The following THSD7A variants were observed in gnomAD, a reference collection of about 807,000 sequenced individuals.
THSD7A encodes thrombospondin type 1 domain containing 7A.
THSD7A carries 96 observed loss-of-function variants against 231.3 expected under a neutral mutation model. The ratio of observed to expected loss-of-function variants is 0.41; its 90% CI spans 0.35 to 0.49. THSD7A has a LOEUF of 0.49. Ranked by LOEUF, THSD7A falls within the 20% of genes least tolerant of loss-of-function variation. The pLI, the probability that THSD7A is intolerant of heterozygous loss-of-function variation, is 0.05. For missense variants in THSD7A, 2,290 were observed against 2,070.2 expected, an observed-to-expected ratio of 1.11 and a Z score of -2.06; for synonymous variants, 940 against 743.3, an observed-to-expected ratio of 1.26 and a Z score of -4.30.
At chr7:11,542,915 G>C in intron 5 of THSD7A, 47 bp downstream of exon 5, 1 of 1,555,628 alleles carries the variant, frequency 6.4e-7, no homozygotes, top group Non-Finnish European at 8.7e-7. Context: ...TTCATGATTT[G>C]ATACAATTGG....
intron 1 of THSD7A, among the ~76,000 whole-genome samples, chr7:11,771,065 T>C (rs1390039549): frequency 2.6e-5 from 4 of 151,104 alleles, no homozygotes; most frequent in Non-Finnish European, 5.9e-5. Flanking sequence ...TTTTTTCTCA[T>C]AGATCAATTT....
chr7:11,611,496 T>C (rs1780919655), intron 2 of THSD7A, among the ~76,000 whole-genome samples: 1 of 151,918 alleles, frequency 6.6e-6, no homozygotes, highest in Non-Finnish European at 1.5e-5. Context: ...ATTAAATGTT[T>C]ACAAAGTAAT....
intron 2 of THSD7A, among the ~76,000 whole-genome samples, chr7:11,614,194 T>C (rs1781028682): frequency 6.6e-6 from 1 of 152,184 alleles, no homozygotes; most frequent in South Asian, 2.1e-4. Flanking sequence ...TTACACCTAA[T>C]AATCCACTGG....
intron 4 of THSD7A, among the ~76,000 whole-genome samples, chr7:11,579,248 C>T (rs1008482664): frequency 6.6e-6 from 1 of 152,150 alleles, no homozygotes; most frequent in African/African-American, 2.4e-5. Flanking sequence ...GTAGTTTGCA[C>T]TCCTCTGTTA....
intron 15 of THSD7A, among the ~76,000 whole-genome samples, chr7:11,425,946 T>TA (rs1562599980): frequency 1.3e-5 from 2 of 151,594 alleles, no homozygotes; most frequent in Admixed American, 6.6e-5. Context: ...CAAAGAGGAA[T>TA]AAAAAAATGC....
intron 23 of THSD7A, among the ~76,000 whole-genome samples, chr7:11,400,068 AC>A: frequency 6.6e-6 from 1 of 150,484 alleles, no homozygotes; most frequent in Non-Finnish European, 1.5e-5. Flanking sequence ...AGGACGAAAA[AC>A]CAAACACCGC....
chr7:11,724,296 G>A (rs770437751), intron 1 of THSD7A, among the ~76,000 whole-genome samples: 1 of 151,900 alleles, frequency 6.6e-6, no homozygotes, highest in Non-Finnish European at 1.5e-5. Context: ...AGGATTCAAT[G>A]TAGTGCAAAG....
Position 11,832,190 on chromosome 7 carries a change from T to C in THSD7A, c.-244A>G. ...GGGATGCTGCTGCCGCTGCCATTCC[T>C]CGCAGAATGGCAGGTCCCGGCGGCT... On this transcript the variant is annotated 5_prime_UTR_variant, in exon 1 of 28. Transcript: ENST00000423059. 3.4e-6 allele frequency: 1 copy of C among 291,626 alleles called. No individual in the cohort carries two copies. The highest frequency in any genetic ancestry group is 1.4e-4 in the South Asian group (1 of 7,088). 18.1% of individuals were successfully genotyped at this position (291,626 alleles called of 1,614,324 possible).
chr7:11,416,993 C>T (rs1184003779), intron 17 of THSD7A, among the ~76,000 whole-genome samples: 1 of 152,014 alleles, frequency 6.6e-6, no homozygotes, highest in Non-Finnish European at 1.5e-5. Flanking sequence ...ATGTTAATAC[C>T]CCTGCTGCTG....
At position 11,556,723 on chromosome 7, in the gene THSD7A, G is replaced by T. The variant is rs142466368; in HGVS notation, c.1454-13606C>A. ...CATTATTTTTCCTTCATTCTTGAAAGATATTTTCTCTGAGTATTGAATTGC... is the reference window on the plus strand; with the variant it reads ...CATTATTTTTCCTTCATTCTTGAAATATATTTTCTCTGAGTATTGAATTGC... On this transcript the variant is annotated intron_variant, in intron 4 of 27. Coordinates refer to ENST00000423059, the MANE Select transcript of THSD7A (RefSeq NM_015204.3). 1.3e-3 allele frequency among the ~76,000 whole-genome samples: 194 copies of T among 151,942 alleles called. 3 individuals are homozygous for T. The South Asian group carries it at 0.029, about 23-fold the overall frequency.
intron 1 of THSD7A, among the ~76,000 whole-genome samples, chr7:11,769,201 T>C (rs2128171043): frequency 7.1e-6 from 1 of 140,688 alleles, no homozygotes; most frequent in South Asian, 2.3e-4. Flanking sequence ...TTCACTATGT[T>C]AGCCAGGCCG....
At chr7:11,744,046 G>C (rs1165753864) in intron 1 of THSD7A, among the ~76,000 whole-genome samples, 2 of 151,798 alleles carry the variant, frequency 1.3e-5, no homozygotes, top group East Asian at 3.9e-4. Context: ...CAATTTCGTG[G>C]TTCTTATGTT....
chr7:11,728,811 C>G (rs2030864), intron 1 of THSD7A, among the ~76,000 whole-genome samples: 39,172 of 151,534 alleles, frequency 0.26, 5,087 homozygotes, highest in Middle Eastern at 0.3. Flanking sequence ...CTAATAGTTT[C>G]AGGCTTCTCA....
intron 1 of THSD7A, among the ~76,000 whole-genome samples, chr7:11,640,839 T>C (rs1442506077): frequency 6.6e-6 from 1 of 152,126 alleles, no homozygotes; most frequent in Non-Finnish European, 1.5e-5. Flanking sequence ...TATAACACCA[T>C]GAATCAAATG....
intron 1 of THSD7A, among the ~76,000 whole-genome samples, chr7:11,675,660 T>G (rs888591475): frequency 6.6e-6 from 1 of 152,184 alleles, no homozygotes; most frequent in African/African-American, 2.4e-5. Context: ...AAGTTCACAC[T>G]GGGCAGAGCC....
At chr7:11,668,227 G>A (rs1485252466) in intron 1 of THSD7A, among the ~76,000 whole-genome samples, 3 of 152,104 alleles carry the variant, frequency 2.0e-5, no homozygotes, top group African/African-American at 7.2e-5. Context: ...GACCTTCCTG[G>A]CCAACGTGAT....
intron 4 of THSD7A, among the ~76,000 whole-genome samples, chr7:11,546,223 C>CACACACACACACACAA (rs371554481): frequency 0.049 from 7,228 of 148,672 alleles, 403 homozygotes; most frequent in African/African-American, 0.13. Flanking sequence ...CACACACACA[C>CACACACACACACACAA]ACACACACGT....
rs1781681941 is a variant in THSD7A, at chr7:11,632,248, A to G, written c.1022+3882T>C. ...TTGGTATATTTACTAAATATTCTAG[A>G]CAAGCACAACTACATCCTTTTCTAT... On this transcript the variant is annotated intron_variant, in intron 2 of 27. Coordinates refer to ENST00000423059, the MANE Select transcript of THSD7A (RefSeq NM_015204.3). This position sits in a 1 kb window ranked among gnomAD's most constrained non-coding sequence, Gnocchi z 4.1. Among the ~76,000 whole-genome samples the G allele has an allele frequency of 6.6e-6, 1 of 152,120 alleles. No individual in the cohort carries two copies.
intron 1 of THSD7A, among the ~76,000 whole-genome samples, chr7:11,756,458 A>T (rs532624484): frequency 2.1e-4 from 32 of 152,128 alleles, no homozygotes; most frequent in African/African-American, 7.0e-4. Flanking sequence ...GGGGAGAGAA[A>T]TTCTCTGAGA....
Sources: gnomAD v4.1 joint callset for allele counts (sites outside exome capture counted in the v4.1 genomes callset) on GRCh38, gnomAD v4.1.1 for gene constraint, Gnocchi (gnomAD v3.1) non-coding constraint, MANE v1.5 for transcripts, NCBI Gene and HGNC (gene_info 2026-07-23, HGNC 2026-07-21) for gene names.